The following RAB37 variants were observed in gnomAD, a reference collection of about 807,000 sequenced individuals.
RAB37 encodes RAB37, member RAS oncogene family.
In RAB37, 29 loss-of-function variants were observed where a neutral mutation model predicts 33.1. The observed-to-expected ratio is 0.88, with a 90% confidence interval of 0.65 to 1.20. The LOEUF is 1.20. RAB37 is among the 50% of genes most tolerant of loss of function. The pLI, the probability that RAB37 is intolerant of heterozygous loss-of-function variation, is 0.00. For missense variants in RAB37, 299 were observed against 301.1 expected, an observed-to-expected ratio of 0.99 and a Z score of 0.05; for synonymous variants, 128 against 119.5, an observed-to-expected ratio of 1.07 and a Z score of -0.47.
chr17:74,743,401 TG>T (rs1383445435), intron 5 of RAB37, 61 bp downstream of exon 5: 22 of 1,557,928 alleles, frequency 1.4e-5, no homozygotes, highest in Non-Finnish European at 1.9e-5. Flanking sequence ...CTATGCAGGC[TG>T]GGGTTGCTTC....
intron 1 of RAB37, among the ~76,000 whole-genome samples, chr17:74,728,746 CTG>C (rs1338997304): frequency 1.3e-5 from 2 of 149,666 alleles, no homozygotes; most frequent in African/African-American, 2.5e-5. Flanking sequence ...ATGTGTTTTT[CTG>C]TGTCTGTATG....
Position 74,709,139 on chromosome 17 carries a change from G to A in RAB37, c.73-20117G>A, listed in dbSNP as rs149273740. On this transcript the variant is annotated intron_variant, in intron 1 of 7. Coordinates refer to the RAB37 transcript ENST00000340415. The stretch of plus-strand genomic sequence containing the variant: ...CTCGGGAGGCTGAGGCAGGAGAATC[G>A]CTTAAACCCAGGAGGCGGAGGTTGC... 3.8e-3 allele frequency among the ~76,000 whole-genome samples: 571 copies of A among 150,846 alleles called. 2 individuals carry two copies. Among genetic ancestry groups the A allele is most frequent in the African/African-American group, 0.012 (505 of 40,958 alleles).
intron 1 of RAB37, among the ~76,000 whole-genome samples, chr17:74,728,391 C>G (rs559455182): frequency 6.7e-6 from 1 of 150,330 alleles, no homozygotes; most frequent in Non-Finnish European, 1.5e-5. Context: ...GTATGTGTAT[C>G]TGTGTGCATG....
intron 1 of RAB37, chr17:74,696,005 C>G (rs1461081850): frequency 2.4e-6 from 3 of 1,262,898 alleles, no homozygotes; most frequent in Non-Finnish European, 3.3e-6. Context: ...TCTCAGGCTC[C>G]TGTACCCCTC....
chr17:74,706,679 C>T (rs1159339187), intron 1 of RAB37, among the ~76,000 whole-genome samples: 2 of 152,066 alleles, frequency 1.3e-5, no homozygotes, highest in Admixed American at 6.6e-5. Context: ...AAAAACAAAA[C>T]AAAACAAAAC....
At chr17:74,673,718 T>C (rs996211912) in intron 1 of RAB37, among the ~76,000 whole-genome samples, 2 of 152,134 alleles carry the variant, frequency 1.3e-5, no homozygotes, top group African/African-American at 4.8e-5. Flanking sequence ...TTCCAACATA[T>C]TTAAAGGCAA....
chr17:74,716,960 C>G (rs746500233), intron 1 of RAB37, among the ~76,000 whole-genome samples: 2 of 152,028 alleles, frequency 1.3e-5, no homozygotes. Context: ...ATGGTGAAAC[C>G]CTGTCTCTAC....
intron 1 of RAB37, among the ~76,000 whole-genome samples, chr17:74,707,349 G>A (rs1454106378): frequency 6.6e-6 from 1 of 152,208 alleles, no homozygotes; most frequent in Non-Finnish European, 1.5e-5. Flanking sequence ...TTTCTCAAAA[G>A]AGGAGCTATA....
chr17:74,704,642 T>C, intron 1 of RAB37: 1 of 1,614,194 alleles, frequency 6.2e-7, no homozygotes, highest in Non-Finnish European at 8.5e-7. Context: ...CTTCACCTCC[T>C]GCTCTGACCC....
chr17:74,717,261 C>A (rs1314869177), intron 1 of RAB37, among the ~76,000 whole-genome samples: 1 of 152,110 alleles, frequency 6.6e-6, no homozygotes, highest in East Asian at 1.9e-4. Flanking sequence ...GATCTCATGC[C>A]CCTCTTCTGC....
At chr17:74,691,150 A>G in intron 1 of RAB37, among the ~76,000 whole-genome samples, 1 of 152,188 alleles carries the variant, frequency 6.6e-6, no homozygotes. Context: ...CTGGGACTGC[A>G]GGCGTGCGCC....
chr17:74,708,911 G>A (rs1357078031), intron 1 of RAB37, among the ~76,000 whole-genome samples: 7 of 140,942 alleles, frequency 5.0e-5, no homozygotes, highest in African/African-American at 7.9e-5. Context: ...GCAAGACTCC[G>A]TCTCAAAAAA....
chr17:74,682,366 A>G (rs924815460), intron 1 of RAB37, among the ~76,000 whole-genome samples: 4 of 151,948 alleles, frequency 2.6e-5, no homozygotes, highest in Admixed American at 2.6e-4. Context: ...GCTTGGCTCC[A>G]TTCACAGGCA....
rs1444202457 is a variant in RAB37 at position 74,743,203 on chromosome 17, C to T, written c.313+8C>T. 1 of 1,613,636 alleles carries T rather than the reference C, an allele frequency of 6.2e-7. No individual in the cohort carries two copies. The highest frequency in any genetic ancestry group is 1.7e-5 in the Admixed American group (1 of 60,002). ...ATTACAGAGATGCTCAGGGTGAGTC[C>T]CTCGCACCCTCCAACCCCTACCCCA... On this transcript the variant is annotated splice_region_variant and intron_variant, in intron 4 of 8. Transcript: ENST00000392613.
At chr17:74,739,562 C>A (rs2034559050) in intron 1 of RAB37, among the ~76,000 whole-genome samples, 1 of 140,234 alleles carries the variant, frequency 7.1e-6, no homozygotes, top group Non-Finnish European at 1.5e-5. Flanking sequence ...CAGAGTGTCG[C>A]TCTGTCACCG....
At position 74,737,350 on chromosome 17, in the gene RAB37, C is replaced by A. The variant is rs755521383; in HGVS notation, c.78C>A (p.Tyr26Ter). ...GCTCCCCGCCCTGCAGTCCGAGCTA[C>A]GACCTCACGGGCAAGGTGGGTGGGC... The part of the protein sequence containing the change: ...PERSPPCSPS[Y>*]DLTGKVMLLG... Residue 26 changes from tyrosine (Y) to a stop codon, truncating the protein, a stop_gained, in exon 1 of 9, where the codon TAC becomes TAA. Coordinates refer to ENST00000392613, the MANE Select transcript of RAB37 (RefSeq NM_001006638.3). LOFTEE classifies it high-confidence loss of function. The A allele has an allele frequency of 1.9e-6, 3 of 1,575,586 alleles. No homozygotes were observed. Among genetic ancestry groups the A allele is most frequent in the South Asian group, 2.3e-5 (2 of 87,162 alleles).
At chr17:74,712,814 GCCCGCTCA>G in intron 1 of RAB37, 1 of 1,613,904 alleles carries the variant, frequency 6.2e-7, no homozygotes, top group Non-Finnish European at 8.5e-7. Flanking sequence ...ACAGACCCAG[GCCCGCTCA>G]CCTGAGAGCC....
intron 1 of RAB37, among the ~76,000 whole-genome samples, chr17:74,691,662 A>G (rs1172779945): frequency 6.6e-6 from 1 of 152,186 alleles, no homozygotes; most frequent in African/African-American, 2.4e-5. Context: ...GCTTAATGTC[A>G]GAAGTTTCAT....
chr17:74,673,795 G>A (rs1303767058), intron 1 of RAB37, among the ~76,000 whole-genome samples: 1 of 152,130 alleles, frequency 6.6e-6, no homozygotes, highest in Non-Finnish European at 1.5e-5. Context: ...CTGAGAGCAG[G>A]AGCCAGCCTT....
Sources: gnomAD v4.1 joint callset for allele counts (sites outside exome capture counted in the v4.1 genomes callset) on GRCh38, gnomAD v4.1.1 for gene constraint, MANE v1.5 for transcripts, NCBI Gene and HGNC (gene_info 2026-07-23, HGNC 2026-07-21) for gene names.